SEPTIN9: variants seen among roughly 807,000 people sequenced by gnomAD.
SEPTIN9 encodes septin-9.
Under a neutral mutation model 56.6 loss-of-function variants are expected in SEPTIN9, and 13 were observed. That is an observed-to-expected ratio of 0.23 (90% CI 0.15 to 0.37). SEPTIN9 has a LOEUF of 0.37. SEPTIN9 is among the 10% of genes least tolerant of loss of function. SEPTIN9 has a pLI of 1.00. For synonymous variants in SEPTIN9, 332 were observed against 334.1 expected (o/e 0.99, Z 0.07); for missense variants, 650 against 823.1 (o/e 0.79, Z 2.57).
Position 77,334,194 on chromosome 17 carries a change from G to A in SEPTIN9, c.76+26997G>A, listed in dbSNP as rs560131405. ...TCCCAGCACTTTGGGAGGCCGAGGCGGGCAGATCACGAGGTCAGGAGATCA... is the reference window on the plus strand; with the variant it reads ...TCCCAGCACTTTGGGAGGCCGAGGCAGGCAGATCACGAGGTCAGGAGATCA... On this transcript the variant is annotated intron_variant, in intron 2 of 11. Transcript: ENST00000427177. 1.2e-4 allele frequency among the ~76,000 whole-genome samples: 18 copies of A among 151,736 alleles called. 1 individual carries two copies. In the South Asian group the frequency reaches 3.7e-3, roughly 32 times the overall value.
chr17:77,493,121 T>C (rs2143419422), intron 10 of SEPTIN9, 45 bp downstream of exon 10: 1 of 1,435,920 alleles, frequency 7.0e-7, no homozygotes, highest in East Asian at 2.5e-5. Context: ...GGGAAGACAG[T>C]CTCTTCTGCT....
intron 6 of SEPTIN9, 132 bp from the exon 7 acceptor site, chr17:77,488,595 C>T: frequency 7.6e-7 from 1 of 1,320,788 alleles, no homozygotes; most frequent in Non-Finnish European, 1.1e-6. Context: ...CATCTCCGCT[C>T]AGCAAGCCAG....
intron 2 of SEPTIN9, among the ~76,000 whole-genome samples, chr17:77,352,130 G>A (rs191319465): frequency 1.3e-5 from 2 of 152,282 alleles, no homozygotes; most frequent in East Asian, 3.9e-4. Flanking sequence ...ACGTGCGGTG[G>A]CTCATGCCTG....
At position 77,285,123 on chromosome 17, in the gene SEPTIN9, A is replaced by G. The variant is rs538176690; in HGVS notation, c.19+3569A>G. On this transcript the variant is annotated intron_variant, in intron 1 of 11. Coordinates refer to ENST00000427177, the MANE Select transcript of SEPTIN9 (RefSeq NM_001113491.2). ...CCAGAAGCCTCCATGATCTTCCCTT[A>G]CTGTGGTCAGAGCATGGTGCAGGGT... 1.6e-3 allele frequency among the ~76,000 whole-genome samples: 243 copies of G among 152,210 alleles called. 1 individual carries two copies. Among genetic ancestry groups the G allele is most frequent in the Non-Finnish European group, 1.8e-3 (124 of 67,996 alleles).
intron 4 of SEPTIN9, chr17:77,482,730 C>A (rs879811088): frequency 1.7e-6 from 1 of 589,034 alleles, no homozygotes. Context: ...CGCACCCCGG[C>A]CAGAGGCTTC....
chr17:77,365,673 C>T (rs1041776862), intron 2 of SEPTIN9, among the ~76,000 whole-genome samples: 2 of 152,108 alleles, frequency 1.3e-5, no homozygotes, highest in Non-Finnish European at 2.9e-5. Context: ...GCTCCCTGCC[C>T]TTCCCGGGTT....
In SEPTIN9 at chr17:77,498,725, C is replaced by A; in HGVS notation, c.*67C>A. 1 of 924,380 alleles carries A rather than the reference C, an allele frequency of 1.1e-6. No individual in the cohort carries two copies. The highest frequency in any genetic ancestry group is 1.7e-6 in the Non-Finnish European group (1 of 587,082). The allele number at this position is 924,380 out of a possible 1,614,324, so 57.3% of individuals were successfully genotyped here. On this transcript the variant is annotated 3_prime_UTR_variant, in exon 12 of 12. Transcript: ENST00000427177. ...TTCCGTCCCCCCCCAGGCCCTCCCA[C>A]CACCCCATTTTATTTTATATGATTT...
chr17:77,418,316 G>C (rs6501954), intron 3 of SEPTIN9, among the ~76,000 whole-genome samples: 56,267 of 151,994 alleles, frequency 0.37, 10,948 homozygotes, highest in African/African-American at 0.41. Flanking sequence ...TCCTTGTCAG[G>C]CTCTGAGAGC....
intron 1 of SEPTIN9, among the ~76,000 whole-genome samples, chr17:77,287,406 G>T (rs1033276054): frequency 6.6e-6 from 1 of 152,234 alleles, no homozygotes; most frequent in African/African-American, 2.4e-5. Context: ...GCCCTGCTGA[G>T]CTGTGAGCTG....
At position 77,348,296 on chromosome 17, in the gene SEPTIN9, T is replaced by A. The variant is rs563048326; in HGVS notation, c.76+41099T>A. Reference sequence around the variant, plus strand: ...TTTAGAATTCTATTTTAATTTATGTTTTTTTTTTTTTTTTTTTTTTAAGAC... The same window carrying A: ...TTTAGAATTCTATTTTAATTTATGTATTTTTTTTTTTTTTTTTTTTAAGAC... On this transcript the variant is annotated intron_variant, in intron 2 of 11. Transcript: ENST00000427177. Among the ~76,000 whole-genome samples the A allele has an allele frequency of 8.0e-4, 106 of 133,140 alleles. 2 individuals are homozygous for A. In the South Asian group the frequency reaches 0.018, roughly 22 times the overall value. The allele number at this position is 133,140 out of a possible 152,430, so 87.3% of individuals were successfully genotyped here.
intron 3 of SEPTIN9, among the ~76,000 whole-genome samples, chr17:77,414,509 C>A (rs2036423698): frequency 6.6e-6 from 1 of 151,772 alleles, no homozygotes; most frequent in Admixed American, 6.6e-5. Context: ...AGAAGAAACC[C>A]CGTAGCCTTT....
chr17:77,484,766 T>G (rs1458135743), intron 4 of SEPTIN9, among the ~76,000 whole-genome samples: 17 of 27,944 alleles, frequency 6.1e-4, no homozygotes, highest in South Asian at 1.2e-3. Context: ...GGTGGTGATG[T>G]GGGTGGTGGT....
chr17:77,335,015 T>C (rs2033489543), intron 2 of SEPTIN9, among the ~76,000 whole-genome samples: 1 of 152,116 alleles, frequency 6.6e-6, no homozygotes, highest in Non-Finnish European at 1.5e-5. Flanking sequence ...CCTATATTAG[T>C]ATATGTACGT....
chr17:77,450,535 G>A lies in SEPTIN9; in HGVS notation c.722-31609G>A, dbSNP rs916281668. The A allele has an allele frequency of 1.0e-6, 1 of 985,478 alleles. No individual in the cohort carries two copies. The highest frequency in any genetic ancestry group is 1.2e-6 in the Non-Finnish European group (1 of 829,984). 61.0% of individuals were successfully genotyped at this position (985,478 alleles called of 1,614,324 possible). On this transcript the variant is annotated intron_variant, in intron 3 of 11. Transcript: ENST00000427177. The surrounding 1 kb of genome is among the most constrained non-coding windows in gnomAD (Gnocchi z 6.0). ...CGCCCCTGCTGGGAGTGACTCACTT[G>A]GGTTCAGAGGTCGTGGCACTGAGAT...
chr17:77,498,669 G>GCCCCCCCCCCGGGGC lies in SEPTIN9; in HGVS notation c.*14_*15insCCCCCCCGGGGCCCC. On this transcript the variant is annotated 3_prime_UTR_variant, in exon 12 of 12. Transcript: ENST00000427177. ...GCCCCGGAGATGTAGACGCCACCCT[G>GCCCCCCCCCCGGGGC]CCCACCCCCGGGATCCTGCCCCCAA... 2.6e-6 allele frequency: 4 copies of GCCCCCCCCCCGGGGC among 1,550,294 alleles called. No individual in the cohort carries two copies. The highest frequency in any genetic ancestry group is 1.2e-5 in the South Asian group (1 of 86,196).
intron 10 of SEPTIN9, among the ~76,000 whole-genome samples, chr17:77,496,660 C>T (rs918522005): frequency 2.0e-5 from 3 of 152,246 alleles, no homozygotes; most frequent in Non-Finnish European, 4.4e-5. Flanking sequence ...GAGAAGTGGC[C>T]ACTGTCCCGA....
In SEPTIN9 at chr17:77,319,313, GGTAA is replaced by G. The variant is rs1441214555; in HGVS notation, c.76+12122_76+12125del. On this transcript the variant is annotated intron_variant, in intron 2 of 11. Transcript: ENST00000427177. This position sits in a 1 kb window ranked among gnomAD's most constrained non-coding sequence, Gnocchi z 5.3. ...ACCATGTGCTGGTGGGGACCCCCCA[GGTAA>G]GTAAGCAGCCTCTGAGGACCCCGGA... Among the ~76,000 whole-genome samples, 2 of 152,202 alleles carry G rather than the reference GGTAA, an allele frequency of 1.3e-5. No individual in the cohort carries two copies. The highest frequency in any genetic ancestry group is 2.9e-5 in the Non-Finnish European group (2 of 68,028).
chr17:77,446,127 C>G (rs2037730625), intron 3 of SEPTIN9: 1 of 167,228 alleles, frequency 6.0e-6, no homozygotes, highest in African/African-American at 2.4e-5. Flanking sequence ...AACTGCTTAT[C>G]ACAAACTCAG....
At chr17:77,362,933 C>G (rs1444870985) in intron 2 of SEPTIN9, among the ~76,000 whole-genome samples, 2 of 152,210 alleles carry the variant, frequency 1.3e-5, no homozygotes, top group Non-Finnish European at 2.9e-5. Flanking sequence ...GAGGGGCCCA[C>G]CAGGCAGAGG....
Sources: allele counts gnomAD v4.1 joint callset (sites outside exome capture counted in the v4.1 genomes callset), GRCh38; gene constraint gnomAD v4.1.1; non-coding constraint Gnocchi (gnomAD v3.1); transcripts MANE v1.5; gene names NCBI Gene and HGNC (gene_info 2026-07-23, HGNC 2026-07-21).